Variants in DDX19B observed in about 807,000 individuals in gnomAD.
DDX19B encodes the protein ATP-dependent RNA helicase DDX19B.
A neutral mutation model predicts 58.1 loss-of-function variants in DDX19B; 27 were observed. The observed-to-expected ratio is 0.46, with a 90% CI of 0.34 to 0.64. The LOEUF (loss-of-function observed/expected upper bound fraction) is 0.64, where lower values mean the gene tolerates loss of function less well. Ranked by LOEUF, DDX19B falls within the 30% of genes least tolerant of loss-of-function variation. DDX19B has a pLI of 0.01. For synonymous variants in DDX19B, 187 were observed against 214.4 expected (o/e 0.87, Z 1.12); for missense variants, 399 against 596.5 (o/e 0.67, Z 3.45).
intron 1 of DDX19B, among the ~76,000 whole-genome samples, chr16:70,308,191 G>C (rs964077507): frequency 7.2e-5 from 11 of 151,778 alleles, no homozygotes; most frequent in Admixed American, 5.9e-4. Context: ...GACCTCAGGT[G>C]ATCCACCTGC....
chr16:70,291,953 G>C (rs1961069618), upstream of DDX19B, among the ~76,000 whole-genome samples: 1 of 151,718 alleles, frequency 6.6e-6, no homozygotes. Flanking sequence ...TTTGAAACCA[G>C]CCTAGGCAAC....
chr16:70,298,975 C>A (rs1961333319), upstream of DDX19B: 1 of 383,058 alleles, frequency 2.6e-6, no homozygotes, highest in Non-Finnish European at 4.5e-6. Context: ...CTGTGTTGGG[C>A]GGGAATCTGA....
rs372326383 is a variant in DDX19B, at chr16:70,306,948, C to G, written c.58-5661C>G. ...TCTCTTTAGATTTGCCTCTTTTAAA[C>G]ATTTCATATAAATGGGAACATACGG... is the stretch of plus-strand genomic sequence containing the variant. On this transcript the variant is annotated intron_variant, in intron 1 of 11. Coordinates refer to ENST00000288071, the MANE Select transcript of DDX19B (RefSeq NM_007242.7). 3.6e-4 allele frequency among the ~76,000 whole-genome samples: 55 copies of G among 152,328 alleles called. No homozygotes were observed. The South Asian group carries it at 0.011, about 29-fold the overall frequency.
chr16:70,324,362 C>CAAAAAAA (rs57977602), intron 5 of DDX19B, among the ~76,000 whole-genome samples: 3 of 48,868 alleles, frequency 6.1e-5, no homozygotes, highest in African/African-American at 7.6e-5. Context: ...GACCTAATCT[C>CAAAAAAA]AAAAAAAAAA....
chr16:70,293,322 G>A (rs1279574029), upstream of DDX19B, among the ~76,000 whole-genome samples: 1 of 150,518 alleles, frequency 6.6e-6, no homozygotes, highest in Non-Finnish European at 1.5e-5. Flanking sequence ...GGAGGCTGAG[G>A]TGGGAGGATA....
intron 3 of DDX19B, chr16:70,315,721 A>T: frequency 2.4e-6 from 1 of 408,542 alleles, no homozygotes; most frequent in Non-Finnish European, 4.3e-6. Flanking sequence ...TAGGAGGAAT[A>T]GATAACTGCA....
chr16:70,310,049 G>A (rs182105557), intron 1 of DDX19B, among the ~76,000 whole-genome samples: 1 of 151,576 alleles, frequency 6.6e-6, no homozygotes, highest in East Asian at 2.0e-4. Context: ...CTCAAGACCA[G>A]CCTGAGCAAC....
intron 6 of DDX19B, among the ~76,000 whole-genome samples, chr16:70,325,018 TC>T (rs1963068770): frequency 1.3e-5 from 2 of 152,144 alleles, no homozygotes; most frequent in Non-Finnish European, 2.9e-5. Context: ...ACCATTGCAC[TC>T]CAGCCTGGGC....
At chr16:70,308,597 C>T (rs1239568391) in intron 1 of DDX19B, among the ~76,000 whole-genome samples, 1 of 151,952 alleles carries the variant, frequency 6.6e-6, no homozygotes, top group Non-Finnish European at 1.5e-5. Context: ...TCTCGAACTC[C>T]ATGAGTTCCA....
intron 1 of DDX19B, among the ~76,000 whole-genome samples, chr16:70,309,837 A>AAAAAAG (rs1300160470): frequency 8.0e-5 from 12 of 149,412 alleles, no homozygotes; most frequent in East Asian, 2.0e-4. Flanking sequence ...AAAAAAAAAA[A>AAAAAAG]AGAGAAATAG....
chr16:70,321,832 G>C (rs201622927), intron 5 of DDX19B, among the ~76,000 whole-genome samples: 8 of 151,700 alleles, frequency 5.3e-5, no homozygotes, highest in Non-Finnish European at 5.9e-5. Flanking sequence ...TCAGGAGTTC[G>C]AGACCAGGCT....
At chr16:70,295,551 A>G (rs1270586655), upstream of DDX19B, among the ~76,000 whole-genome samples, 3 of 152,242 alleles carry the variant, frequency 2.0e-5, no homozygotes, top group African/African-American at 7.2e-5. Flanking sequence ...GTGTACGGGA[A>G]GGATAAACAC....
Position 70,332,977 on chromosome 16 carries a change from T to C in DDX19B, c.1196T>C (p.Val399Ala), listed in dbSNP as rs150735714. ...ACTCTCCTTCCTGCAGGCATTGATG[T>C]TGAACAAGTGTCTGTCGTCATCAAC... is the stretch of plus-strand genomic sequence containing the variant. ...TTNVCARGID[V>A]EQVSVVINFD... is the part of the protein sequence containing the mutation. The change falls in exon 11 of 12, where the codon GTT (valine) becomes GCT (alanine). Residue 399 changes from valine (V) to alanine (A), a missense_variant. Val to Ala is a moderately conservative substitution (Grantham distance 64). Around this residue, in one of 4 missense-constraint regions of DDX19B, gnomAD observed 198 missense variants for 345.9 expected, o/e 0.57. Transcript: ENST00000288071. 19 of 1,613,544 alleles carry C rather than the reference T, an allele frequency of 1.2e-5. No individual in the cohort carries two copies. The highest frequency in any genetic ancestry group is 1.6e-5 in the Non-Finnish European group (19 of 1,179,830).
At chr16:70,294,726 G>C (rs1469517436), upstream of DDX19B, 2 of 759,138 alleles carry the variant, frequency 2.6e-6, no homozygotes, top group East Asian at 3.1e-5. Flanking sequence ...GTGCCCGAGC[G>C]CTGTACCGTC....
In DDX19B at chr16:70,324,986, G is replaced by T. The variant is rs180981421; in HGVS notation, c.492+299G>T. 2.4e-3 allele frequency among the ~76,000 whole-genome samples: 369 copies of T among 152,298 alleles called. 3 individuals carry two copies. The highest frequency in any genetic ancestry group is 8.6e-3 in the African/African-American group (356 of 41,554). ...GAATCATTTGAACCCGGGAGGCGGA[G>T]GTTGCAGTGAGCTGAGATCGCACCA... On this transcript the variant is annotated intron_variant, in intron 6 of 11. Coordinates refer to ENST00000288071, the MANE Select transcript of DDX19B (RefSeq NM_007242.7).
At position 70,333,636 on chromosome 16, in the gene DDX19B, A is replaced by T. The variant is rs1963599775; in HGVS notation, c.*54A>T. 1.1e-5 allele frequency: 18 copies of T among 1,613,578 alleles called. No individual in the cohort carries two copies. Among genetic ancestry groups the T allele is most frequent in the East Asian group, 1.1e-4 (5 of 44,894 alleles). ...CTGGCACTGCCCCTGCACAGGAGAC[A>T]AGTGCGTTCAGGGCACAGGCCCCGA... On this transcript the variant is annotated 3_prime_UTR_variant, in exon 12 of 12. Coordinates refer to ENST00000288071, the MANE Select transcript of DDX19B (RefSeq NM_007242.7).
intron 7 of DDX19B, among the ~76,000 whole-genome samples, chr16:70,327,125 C>T (rs546383125): frequency 6.6e-5 from 10 of 151,976 alleles, no homozygotes; most frequent in South Asian, 4.2e-4. Flanking sequence ...TGAGCCACTG[C>T]GCCTGGCCGC....
chr16:70,319,233 G>T (rs1343223567), intron 5 of DDX19B, among the ~76,000 whole-genome samples: 1 of 152,110 alleles, frequency 6.6e-6, no homozygotes, highest in African/African-American at 2.4e-5. Flanking sequence ...TCATTGTATT[G>T]ATATATAAAA....
At chr16:70,315,459 G>A (rs1488254491) in intron 3 of DDX19B, among the ~76,000 whole-genome samples, 1 of 151,398 alleles carries the variant, frequency 6.6e-6, no homozygotes, top group African/African-American at 2.4e-5. Flanking sequence ...TACGTTTAGA[G>A]AAATTTTACA....
Sources: allele counts gnomAD v4.1 joint callset (sites outside exome capture counted in the v4.1 genomes callset), GRCh38; gene constraint gnomAD v4.1.1; regional missense constraint gnomAD v4.1.1; transcripts MANE v1.5; gene names NCBI Gene and HGNC (gene_info 2026-07-23, HGNC 2026-07-21).